PCNX1: variants seen among roughly 807,000 people sequenced by gnomAD.
The protein encoded by PCNX1 is pecanex-like protein 1.
In PCNX1, 78 loss-of-function variants were observed where a neutral mutation model predicts 242.2. That is an observed-to-expected ratio of 0.32 (90% CI 0.27 to 0.39). PCNX1 has a LOEUF of 0.39. Ranked by LOEUF, PCNX1 falls within the 10% of genes least tolerant of loss-of-function variation. The pLI is 1.00. For synonymous variants in PCNX1, 1,024 were observed against 1,032.9 expected, an observed-to-expected ratio of 0.99 and a Z score of 0.17; for missense variants, 2,581 against 2,856.5, an observed-to-expected ratio of 0.90 and a Z score of 2.20.
intron 30 of PCNX1, chr14:71,092,900 T>A (rs1268121537): frequency 6.6e-6 from 1 of 152,168 alleles, no homozygotes; most frequent in Non-Finnish European, 1.5e-5. Flanking sequence ...GTCCCTGAAG[T>A]CAGGAAGTAC....
chr14:70,961,835 T>G (rs2058225313), intron 2 of PCNX1, among the ~76,000 whole-genome samples: 1 of 152,202 alleles, frequency 6.6e-6, no homozygotes, highest in African/African-American at 2.4e-5. Flanking sequence ...TCTGATTACA[T>G]TCTGTGTTTA....
chr14:71,101,974 T>C lies in PCNX1; in HGVS notation c.5590-16T>C. The C allele has an allele frequency of 2.2e-6, 3 of 1,391,126 alleles. No homozygotes were observed. Among genetic ancestry groups the C allele is most frequent in the Non-Finnish European group, 3.0e-6 (3 of 1,015,988 alleles). The allele number at this position is 1,391,126 out of a possible 1,614,324, so 86.2% of individuals were successfully genotyped here. A position where few individuals can be genotyped will look rare whatever the true frequency, so the allele number is the denominator to read the frequency against. On this transcript the variant is annotated splice_polypyrimidine_tract_variant and intron_variant, in intron 30 of 35. Transcript: ENST00000304743. Reference sequence around the variant, plus strand: ...TTATTTTCCTTTAAAAATTTATATATTATTTTTGTATTTAGGATCATTTTA... The same window carrying C: ...TTATTTTCCTTTAAAAATTTATATACTATTTTTGTATTTAGGATCATTTTA...
At chr14:70,953,664 CTTTTT>C (rs33967128) in intron 2 of PCNX1, among the ~76,000 whole-genome samples, 2 of 114,940 alleles carry the variant, frequency 1.7e-5, no homozygotes, top group Non-Finnish European at 3.5e-5. Context: ...TTTTTTCTTT[CTTTTT>C]TTTTTTTTTT....
chr14:70,981,578 A>G (rs933627344), intron 6 of PCNX1, among the ~76,000 whole-genome samples: 1 of 152,148 alleles, frequency 6.6e-6, no homozygotes, highest in Non-Finnish European at 1.5e-5. Context: ...TTTCATCAAT[A>G]ATGGTTTGTG....
At chr14:70,995,411 A>G (rs2059319816) in intron 7 of PCNX1, among the ~76,000 whole-genome samples, 1 of 152,194 alleles carries the variant, frequency 6.6e-6, no homozygotes, top group African/African-American at 2.4e-5. Flanking sequence ...CAGCACACAT[A>G]TATTGAATGT....
chr14:71,054,286 A>G (rs937634154), intron 24 of PCNX1, among the ~76,000 whole-genome samples: 6 of 152,264 alleles, frequency 3.9e-5, no homozygotes, highest in African/African-American at 1.4e-4. Flanking sequence ...CCCATGCATA[A>G]TTTTTTAACA....
chr14:71,061,895 G>C (rs2061334002), intron 26 of PCNX1, among the ~76,000 whole-genome samples: 1 of 152,064 alleles, frequency 6.6e-6, no homozygotes, highest in African/African-American at 2.4e-5. Flanking sequence ...CTGAAGAACA[G>C]GCCAGAGAAA....
intron 1 of PCNX1, among the ~76,000 whole-genome samples, chr14:70,937,156 T>G (rs1346816726): frequency 3.3e-5 from 5 of 152,238 alleles, no homozygotes; most frequent in Non-Finnish European, 5.9e-5. Context: ...CATTTGTCAA[T>G]TTTGGCTTTT....
rs756101466 is a variant in PCNX1 at position 70,995,780 on chromosome 14, G to A, written c.2484G>A (p.Gln828=). ...AGCAAGGCCAGCAGTCCACAGCCCA[G>A]GTCAAAGTCCAGTCCCGCCCCCCTT... ...DGQQGQQSTA[Q]VKVQSRPPSQ... The change falls in exon 8 of 36, where the codon CAG becomes CAA. Residue 828 remains glutamine, a synonymous_variant. Coordinates refer to ENST00000304743, the MANE Select transcript of PCNX1 (RefSeq NM_014982.3). The A allele has an allele frequency of 1.5e-5, 24 of 1,613,980 alleles. No individual in the cohort carries two copies. Among genetic ancestry groups the A allele is most frequent in the Non-Finnish European group, 1.9e-5 (23 of 1,180,032 alleles).
Position 71,108,557 on chromosome 14 carries a change from GTC to G in PCNX1, c.6302-45_6302-44del. ...AGAAACTGCAAAACAGAAGTATTGT[GTC>G]TGAGTCATTCTACTTTGAGTGAGTG... On this transcript the variant is annotated intron_variant, in intron 33 of 35. Transcript: ENST00000304743. 2.1e-6 allele frequency: 3 copies of G among 1,453,828 alleles called. No individual in the cohort carries two copies. The African/African-American group carries it at 4.2e-5, about 20-fold the overall frequency. The allele number at this position is 1,453,828 out of a possible 1,614,324, so 90.1% of individuals were successfully genotyped here.
Position 71,106,942 on chromosome 14 carries a change from T to C in PCNX1, c.6301+1502T>C, listed in dbSNP as rs1022189152. Among the ~76,000 whole-genome samples the C allele has an allele frequency of 4.6e-5, 7 of 152,244 alleles. No homozygotes were observed. The South Asian group carries it at 1.0e-3, about 23-fold the overall frequency. On this transcript the variant is annotated intron_variant, in intron 33 of 35. Coordinates refer to ENST00000304743, the MANE Select transcript of PCNX1 (RefSeq NM_014982.3). ...CTTGCCTTCTTCTGATGAGAAGTCC[T>C]TAGTTTTAGTGAGAACAACTTACTA... is the stretch of plus-strand genomic sequence containing the variant.
chr14:71,046,832 T>A, intron 20 of PCNX1, 132 bp from the exon 21 acceptor site: 1 of 606,272 alleles, frequency 1.6e-6, no homozygotes, highest in Non-Finnish European at 2.7e-6. Context: ...GACAGTTGAT[T>A]AAAGTACTGG....
Position 70,978,262 on chromosome 14 carries a change from C to T in PCNX1, c.1925C>T (p.Ala642Val). The change falls in exon 6 of 36, where the codon GCT becomes GTT. Residue 642 changes from alanine (A) to valine (V), a missense_variant. Ala to Val is a moderately conservative substitution (Grantham distance 64, BLOSUM62 0). Transcript: ENST00000304743. ...CAGTCTCCTGAGGGCAGATACAGTG[C>T]TCTAAAGACCAAACACACTCATAAA... ...SCQSPEGRYSALKTKHTHKER... is the reference protein window; with the variant it reads ...SCQSPEGRYSVLKTKHTHKER... 1 of 1,614,100 alleles carries T rather than the reference C, an allele frequency of 6.2e-7. No individual in the cohort carries two copies.
intron 20 of PCNX1, among the ~76,000 whole-genome samples, chr14:71,045,824 T>C (rs1452480624): frequency 6.6e-6 from 1 of 152,162 alleles, no homozygotes; most frequent in Non-Finnish European, 1.5e-5. Flanking sequence ...TGCAATAAAG[T>C]ATAAAAGGAT....
intron 7 of PCNX1, among the ~76,000 whole-genome samples, chr14:70,989,391 A>G (rs531588827): frequency 2.6e-5 from 4 of 152,078 alleles, no homozygotes; most frequent in South Asian, 2.1e-4. Flanking sequence ...AACATTGTGG[A>G]TAATTTTTCA....
At chr14:70,910,664 G>C (rs569143872) in intron 1 of PCNX1, among the ~76,000 whole-genome samples, 2 of 152,236 alleles carry the variant, frequency 1.3e-5, no homozygotes, top group South Asian at 4.1e-4. Context: ...TTTTAAAATA[G>C]TATGGTATTT....
chr14:71,108,726 A>G lies in PCNX1; in HGVS notation c.6424A>G (p.Thr2142Ala). ...SSRHSSLRMS[T>A]TGFVPCRRSS... ...CCGGCATTCATCCCTCCGGATGTCCACCACTGGGTTTGTGCCTTGTCGGCG... is the reference window on the plus strand; with the variant it reads ...CCGGCATTCATCCCTCCGGATGTCCGCCACTGGGTTTGTGCCTTGTCGGCG... The change falls in exon 34 of 36, where the codon ACC becomes GCC. Residue 2142 changes from threonine (T) to alanine (A), a missense_variant. This residue lies in a region of PCNX1 where 432 missense variants were observed against 433.6 expected (regional missense o/e 1.00). Transcript: ENST00000304743. 1.2e-6 allele frequency: 2 copies of G among 1,614,220 alleles called. No individual in the cohort carries two copies. The highest frequency in any genetic ancestry group is 1.1e-5 in the South Asian group (1 of 91,086).
chr14:70,919,944 C>T (rs763981052), intron 1 of PCNX1, among the ~76,000 whole-genome samples: 1 of 151,882 alleles, frequency 6.6e-6, no homozygotes, highest in African/African-American at 2.4e-5. Context: ...GAGCTTTGAA[C>T]GAGCCAAATA....
At chr14:71,085,662 G>C (rs1023141090) in intron 28 of PCNX1, 1 of 167,170 alleles carries the variant, frequency 6.0e-6, no homozygotes, top group Admixed American at 6.4e-5. Flanking sequence ...AAAGTCTATA[G>C]GATTAAAAAG....
Sources: allele counts gnomAD v4.1 joint callset (sites outside exome capture counted in the v4.1 genomes callset), GRCh38; gene constraint gnomAD v4.1.1; regional missense constraint gnomAD v4.1.1; transcripts MANE v1.5; gene names NCBI Gene and HGNC (gene_info 2026-07-23, HGNC 2026-07-21).